The following VPS41 variants were observed in gnomAD, a reference collection of about 807,000 sequenced individuals.
The protein encoded by VPS41 is VPS41 subunit of HOPS complex.
VPS41 carries 85 observed loss-of-function variants against 130.9 expected under a neutral mutation model. The observed-to-expected ratio is 0.65, with a 90% CI of 0.55 to 0.78. VPS41 has a LOEUF of 0.78. VPS41 is among the 30% of genes least tolerant of loss of function. The pLI is 0.00. For missense variants in VPS41, 874 were observed against 1,018.7 expected (o/e 0.86, Z 1.93); for synonymous variants, 335 against 332.9 (o/e 1.01, Z -0.07).
chr7:38,855,312 G>C (rs867045853), intron 4 of VPS41, among the ~76,000 whole-genome samples: 27 of 152,062 alleles, frequency 1.8e-4, no homozygotes, highest in Admixed American at 1.6e-3. Context: ...AAAGAGAGAG[G>C]AGAGAAGGAA....
chr7:38,748,808 C>T (rs1796038243), intron 22 of VPS41, among the ~76,000 whole-genome samples: 1 of 152,140 alleles, frequency 6.6e-6, no homozygotes, highest in South Asian at 2.1e-4. Context: ...GGAAAAAATA[C>T]AGAGCCTAAA....
intron 7 of VPS41, among the ~76,000 whole-genome samples, chr7:38,816,313 T>C (rs1210545957): frequency 6.6e-6 from 1 of 152,130 alleles, no homozygotes; most frequent in Non-Finnish European, 1.5e-5. Flanking sequence ...TGGCTTTATG[T>C]TGTGGAATGG....
chr7:38,812,824 C>T (rs1259147271), intron 7 of VPS41, among the ~76,000 whole-genome samples: 1 of 151,940 alleles, frequency 6.6e-6, no homozygotes, highest in Non-Finnish European at 1.5e-5. Context: ...AAGTCAAAAC[C>T]ACAATGAGAT....
At chr7:38,867,549 A>C (rs927665216) in intron 3 of VPS41, among the ~76,000 whole-genome samples, 3 of 151,938 alleles carry the variant, frequency 2.0e-5, no homozygotes, top group Non-Finnish European at 2.9e-5. Flanking sequence ...CCATCTCAAA[A>C]AAAAAAAATA....
At chr7:38,875,428 C>T (rs1268280023) in intron 2 of VPS41, among the ~76,000 whole-genome samples, 1 of 152,056 alleles carries the variant, frequency 6.6e-6, no homozygotes, top group East Asian at 1.9e-4. Context: ...AGCTTTGTAT[C>T]GCCCACCACA....
intron 2 of VPS41, among the ~76,000 whole-genome samples, chr7:38,883,065 A>G (rs1004406882): frequency 6.6e-6 from 1 of 152,198 alleles, no homozygotes; most frequent in Non-Finnish European, 1.5e-5. Flanking sequence ...CAACATGGTG[A>G]AACTCCATCT....
chr7:38,798,815 G>C (rs1784670406), intron 7 of VPS41, among the ~76,000 whole-genome samples: 2 of 152,054 alleles, frequency 1.3e-5, no homozygotes, highest in South Asian at 4.1e-4. Flanking sequence ...GACCAATGTA[G>C]TACTAAGAGG....
intron 7 of VPS41, among the ~76,000 whole-genome samples, chr7:38,797,650 C>T (rs1784646913): frequency 1.3e-5 from 2 of 152,172 alleles, no homozygotes; most frequent in South Asian, 4.1e-4. Context: ...TTTATCCTTT[C>T]AAAGCAAATG....
intron 5 of VPS41, 76 bp from the exon 6 acceptor site, chr7:38,821,341 T>TG: frequency 4.3e-6 from 4 of 933,622 alleles, no homozygotes; most frequent in Non-Finnish European, 6.8e-6. Context: ...GAACACATAC[T>TG]ATCAATAAGA....
chr7:38,848,318 A>G (rs1185475855), intron 4 of VPS41, among the ~76,000 whole-genome samples: 2 of 152,126 alleles, frequency 1.3e-5, no homozygotes, highest in Non-Finnish European at 2.9e-5. Flanking sequence ...CCTCCCAAAT[A>G]AACACAGGAG....
chr7:38,768,179 C>T (rs945687065), intron 14 of VPS41, among the ~76,000 whole-genome samples: 4 of 152,150 alleles, frequency 2.6e-5, no homozygotes, highest in African/African-American at 7.2e-5. Flanking sequence ...CATGTTTATT[C>T]GCTTATTCTA....
rs970610596 is a variant in VPS41, at chr7:38,724,123, G to A, written c.*2123C>T. On this transcript the variant is annotated 3_prime_UTR_variant, in exon 29 of 29. Coordinates refer to ENST00000310301, the MANE Select transcript of VPS41 (RefSeq NM_014396.4). ...TTTAAATCAGTTACTTAAAAATGAA[G>A]ACTGTTTAATTATTTTCTCCTTTTC... is the stretch of plus-strand genomic sequence containing the variant. The A allele has an allele frequency of 6.6e-6, 1 of 152,116 alleles. No individual in the cohort carries two copies. The highest frequency in any genetic ancestry group is 1.5e-5 in the Non-Finnish European group (1 of 68,018). 9.4% of individuals were successfully genotyped at this position (152,116 alleles called of 1,614,324 possible).
At chr7:38,842,978 C>A (rs146677847) in intron 4 of VPS41, among the ~76,000 whole-genome samples, 4 of 152,154 alleles carry the variant, frequency 2.6e-5, no homozygotes, top group Non-Finnish European at 5.9e-5. Context: ...CCCAAGGGAA[C>A]AAGAACCACA....
chr7:38,781,021 C>G (rs13237387), intron 10 of VPS41, among the ~76,000 whole-genome samples: 97,755 of 152,006 alleles, frequency 0.64, 32,768 homozygotes, highest in East Asian at 0.88. Context: ...CAGAAGCCAA[C>G]CAGATGCCAG....
At chr7:38,852,794 G>A (rs906331947) in intron 4 of VPS41, among the ~76,000 whole-genome samples, 1 of 152,092 alleles carries the variant, frequency 6.6e-6, no homozygotes, top group African/African-American at 2.4e-5. Flanking sequence ...ATTATTTATT[G>A]TTAAACCATA....
intron 2 of VPS41, among the ~76,000 whole-genome samples, chr7:38,894,405 T>G (rs1786933598): frequency 6.8e-6 from 1 of 148,072 alleles, no homozygotes. Flanking sequence ...TCTAGGAGAG[T>G]AACTGTTTTC....
At position 38,808,995 on chromosome 7, in the gene VPS41, C is replaced by T. The variant is rs552926744; in HGVS notation, c.450+8822G>A. Among the ~76,000 whole-genome samples the T allele has an allele frequency of 1.8e-4, 28 of 152,192 alleles. 1 individual carries two copies. Among genetic ancestry groups the T allele is most frequent in the South Asian group, 1.7e-3 (8 of 4,816 alleles). Reference sequence around the variant, plus strand: ...TGAATAAATTCGGGGATCTAATGTACGCTATGGTTACTATATTTAATAATG... The same window carrying T: ...TGAATAAATTCGGGGATCTAATGTATGCTATGGTTACTATATTTAATAATG... On this transcript the variant is annotated intron_variant, in intron 7 of 28. Coordinates refer to ENST00000310301, the MANE Select transcript of VPS41 (RefSeq NM_014396.4).
At chr7:38,769,430 G>T (rs529961856) in intron 14 of VPS41, among the ~76,000 whole-genome samples, 12 of 152,290 alleles carry the variant, frequency 7.9e-5, no homozygotes, top group African/African-American at 2.6e-4. Flanking sequence ...GTGCTAATAG[G>T]ACCCTAATGT....
rs576291841 is a variant in VPS41, at chr7:38,772,802, T to C, written c.1013-165A>G. The stretch of plus-strand genomic sequence containing the variant: ...TGGAAGGTAAGTGTGGGAGACAGGG[T>C]AAAGAATGACAGAAGCGTATTTCAG... On this transcript the variant is annotated intron_variant, in intron 12 of 28. Transcript: ENST00000310301. Among the ~76,000 whole-genome samples, 28 of 152,042 alleles carry C rather than the reference T, an allele frequency of 1.8e-4. No homozygotes were observed. The South Asian group carries it at 5.8e-3, about 32-fold the overall frequency.
Sources: allele counts gnomAD v4.1 joint callset (sites outside exome capture counted in the v4.1 genomes callset), GRCh38; gene constraint gnomAD v4.1.1; transcripts MANE v1.5; gene names NCBI Gene and HGNC (gene_info 2026-07-23, HGNC 2026-07-21).